Variants in ADGRB3 observed in about 807,000 individuals in gnomAD.
ADGRB3 encodes the protein adhesion G protein-coupled receptor B3.
In ADGRB3, 37 loss-of-function variants were observed where a neutral mutation model predicts 193.4. The ratio of observed to expected loss-of-function variants is 0.19; its 90% CI spans 0.15 to 0.25. ADGRB3 has a LOEUF of 0.25. Among genes scored for constraint, ADGRB3 ranks in the 10% least tolerant of loss-of-function variants. The pLI is 1.00. For missense variants in ADGRB3, 1,637 were observed against 1,852.9 expected, an observed-to-expected ratio of 0.88 and a Z score of 2.14; for synonymous variants, 690 against 644.2, an observed-to-expected ratio of 1.07 and a Z score of -1.08.
At chr6:69,116,308 G>A (rs1431610536) in intron 17 of ADGRB3, among the ~76,000 whole-genome samples, 2 of 152,124 alleles carry the variant, frequency 1.3e-5, no homozygotes, top group Admixed American at 6.5e-5. Context: ...ACCTAGCCAA[G>A]CCAATACATA....
At chr6:69,347,425 T>G (rs1179156897) in intron 26 of ADGRB3, among the ~76,000 whole-genome samples, 1 of 152,166 alleles carries the variant, frequency 6.6e-6, no homozygotes, top group African/African-American at 2.4e-5. Flanking sequence ...TCAGCCTGAT[T>G]GAAAGTTCAA....
chr6:69,231,560 T>C (rs1766140995), intron 17 of ADGRB3, among the ~76,000 whole-genome samples: 1 of 152,156 alleles, frequency 6.6e-6, no homozygotes, highest in Non-Finnish European at 1.5e-5. Context: ...CTTAACTGTT[T>C]GTCACAGGAA....
At chr6:68,807,291 A>G (rs1316339508) in intron 3 of ADGRB3, among the ~76,000 whole-genome samples, 1 of 125,202 alleles carries the variant, frequency 8.0e-6, no homozygotes, top group African/African-American at 3.1e-5. Flanking sequence ...GTTGGAGTGC[A>G]GTGTGGCGCG....
intron 3 of ADGRB3, among the ~76,000 whole-genome samples, chr6:68,652,901 T>A (rs1158844475): frequency 6.6e-6 from 1 of 152,156 alleles, no homozygotes. Flanking sequence ...GCATTGACAT[T>A]ACTTAGATAT....
intron 3 of ADGRB3, among the ~76,000 whole-genome samples, chr6:68,924,054 C>G (rs745680095): frequency 2.6e-5 from 4 of 152,020 alleles, no homozygotes; most frequent in Non-Finnish European, 4.4e-5. Context: ...AAATATCCAA[C>G]TGCTAGTACT....
intron 3 of ADGRB3, among the ~76,000 whole-genome samples, chr6:68,818,917 A>G (rs939602899): frequency 7.2e-6 from 1 of 138,936 alleles, no homozygotes; most frequent in African/African-American, 2.8e-5. Context: ...TATTTCTATG[A>G]AAGATTGATA....
At chr6:68,809,064 T>C (rs1349506429) in intron 3 of ADGRB3, among the ~76,000 whole-genome samples, 2 of 85,372 alleles carry the variant, frequency 2.3e-5, no homozygotes, top group Non-Finnish European at 5.2e-5. Context: ...ATTTTTTTAA[T>C]TGTGCTGGTT....
Position 69,275,593 on chromosome 6 carries a change from C to T in ADGRB3, c.2814+36367C>T, listed in dbSNP as rs78659195. Among the ~76,000 whole-genome samples, 76 of 151,780 alleles carry T rather than the reference C, an allele frequency of 5.0e-4. No homozygotes were observed. In the East Asian group the frequency reaches 0.014, roughly 29 times the overall value. ...ATATAATCATAATATATGATCCAGA[C>T]ACCAGTATAATACACATGCAAAAAA... On this transcript the variant is annotated intron_variant, in intron 20 of 31. Transcript: ENST00000370598.
intron 3 of ADGRB3, among the ~76,000 whole-genome samples, chr6:68,853,279 A>G (rs1290737880): frequency 1.3e-5 from 2 of 152,060 alleles, no homozygotes; most frequent in African/African-American, 2.4e-5. Context: ...ATGCATTCAG[A>G]AAAAACCAAT....
intron 3 of ADGRB3, among the ~76,000 whole-genome samples, chr6:68,655,465 T>C (rs1444174916): frequency 1.3e-5 from 2 of 151,720 alleles, no homozygotes; most frequent in African/African-American, 4.8e-5. Context: ...ATCCTGGAAC[T>C]CTTCACTGCA....
At chr6:68,647,210 A>C (rs560638931) in intron 3 of ADGRB3, among the ~76,000 whole-genome samples, 1 of 152,280 alleles carries the variant, frequency 6.6e-6, no homozygotes, top group South Asian at 2.1e-4. Flanking sequence ...CATTATGTTT[A>C]AAACTGCTTA....
At chr6:68,763,077 G>A (rs1209129503) in intron 3 of ADGRB3, among the ~76,000 whole-genome samples, 1 of 152,110 alleles carries the variant, frequency 6.6e-6, no homozygotes, top group African/African-American at 2.4e-5. Context: ...ACACATACAT[G>A]TGTTCATTTA....
intron 3 of ADGRB3, among the ~76,000 whole-genome samples, chr6:68,764,702 A>G (rs1766474782): frequency 6.6e-6 from 1 of 152,164 alleles, no homozygotes; most frequent in African/African-American, 2.4e-5. Flanking sequence ...TTTTTATTTA[A>G]TAGTTATCCT....
chr6:69,154,144 T>A (rs996533331), intron 17 of ADGRB3, among the ~76,000 whole-genome samples: 3 of 68,740 alleles, frequency 4.4e-5, no homozygotes, highest in African/African-American at 1.3e-4. Context: ...TATATGCACT[T>A]CCTCTGCCCA....
intron 17 of ADGRB3, among the ~76,000 whole-genome samples, chr6:69,108,338 CT>C (rs2150324532): frequency 6.6e-6 from 1 of 150,732 alleles, no homozygotes; most frequent in Admixed American, 6.6e-5. Flanking sequence ...ATCAAATAAA[CT>C]TGAATTTTAA....
intron 3 of ADGRB3, among the ~76,000 whole-genome samples, chr6:68,776,616 G>T (rs951069145): frequency 6.6e-6 from 1 of 152,164 alleles, no homozygotes; most frequent in Non-Finnish European, 1.5e-5. Flanking sequence ...CACCGTGTGG[G>T]AGAGAGAACT....
chr6:69,330,397 G>A (rs1239019958), intron 22 of ADGRB3, 109 bp from the exon 23 acceptor site: 5 of 656,878 alleles, frequency 7.6e-6, no homozygotes, highest in Non-Finnish European at 1.2e-5. Flanking sequence ...TGTTTAACAT[G>A]TGCCAAAATT....
At position 69,351,692 on chromosome 6, in the gene ADGRB3, G is replaced by T. The variant is rs567823123; in HGVS notation, c.3460-2541G>T. Among the ~76,000 whole-genome samples the T allele has an allele frequency of 2.0e-5, 3 of 152,236 alleles. No individual in the cohort carries two copies. The South Asian group carries it at 6.2e-4, about 32-fold the overall frequency. On this transcript the variant is annotated intron_variant, in intron 26 of 31. Transcript: ENST00000370598. Reference sequence around the variant, plus strand: ...CCATTTGGGAGTTTGGTAGTGAAAGGTATTGATTTTATATGTGTGTGTGTT... The same window carrying T: ...CCATTTGGGAGTTTGGTAGTGAAAGTTATTGATTTTATATGTGTGTGTGTT...
At chr6:68,653,372 T>C (rs1768416745) in intron 3 of ADGRB3, among the ~76,000 whole-genome samples, 2 of 152,078 alleles carry the variant, frequency 1.3e-5, no homozygotes, top group South Asian at 4.1e-4. Context: ...TGGGGAACAG[T>C]TGTGGTGTGC....
Sources: gnomAD v4.1 joint callset for allele counts (sites outside exome capture counted in the v4.1 genomes callset) on GRCh38, gnomAD v4.1.1 for gene constraint, MANE v1.5 for transcripts, NCBI Gene and HGNC (gene_info 2026-07-23, HGNC 2026-07-21) for gene names.